The following ABCC4 variants were observed in gnomAD, a reference collection of about 807,000 sequenced individuals.
ABCC4 encodes ATP-binding cassette sub-family C member 4.
Under a neutral mutation model 168.5 loss-of-function variants are expected in ABCC4, and 102 were observed. The observed-to-expected ratio is 0.61, with a 90% CI of 0.52 to 0.71. The LOEUF is 0.71. Among genes scored for constraint, ABCC4 ranks in the 30% least tolerant of loss-of-function variants. The pLI is 0.00. For missense variants in ABCC4, 1,402 were observed against 1,605.8 expected (o/e 0.87, Z 2.17); for synonymous variants, 617 against 590.7 (o/e 1.04, Z -0.65).
intron 29 of ABCC4, among the ~76,000 whole-genome samples, chr13:95,036,549 T>A (rs2032129276): frequency 6.6e-6 from 1 of 152,114 alleles, no homozygotes; most frequent in Non-Finnish European, 1.5e-5. Context: ...AAAAGCATTA[T>A]TATTATTAGA....
At position 95,038,680 on chromosome 13, in the gene ABCC4, C is replaced by T. The variant is rs1449188372; in HGVS notation, c.3736-3941G>A. ...ATGTGCTTGCTCTTGTTCACTGTTG[C>T]ATCTCCATGGCCTGGCATTGCACAT... On this transcript the variant is annotated intron_variant, in intron 29 of 30. Coordinates refer to ENST00000645237, the MANE Select transcript of ABCC4 (RefSeq NM_005845.5). 5.3e-5 allele frequency among the ~76,000 whole-genome samples: 8 copies of T among 152,174 alleles called. No homozygotes were observed. In the East Asian group the frequency reaches 1.5e-3, roughly 29 times the overall value.
At chr13:95,056,653 A>G (rs1345275004) in intron 26 of ABCC4, among the ~76,000 whole-genome samples, 5 of 151,986 alleles carry the variant, frequency 3.3e-5, no homozygotes, top group Non-Finnish European at 7.4e-5. Context: ...AAGAAGAAAA[A>G]AAAAAAAAAA....
chr13:95,050,337 A>G (rs1282699209), intron 27 of ABCC4, among the ~76,000 whole-genome samples: 8 of 152,122 alleles, frequency 5.3e-5, no homozygotes, highest in Non-Finnish European at 1.2e-4. Context: ...AAAACTCACA[A>G]TGCTTCATTT....
chr13:95,244,634 A>G (rs1352829033), intron 3 of ABCC4, among the ~76,000 whole-genome samples: 900 of 66,110 alleles, frequency 0.014, 14 homozygotes, highest in Non-Finnish European at 0.02. Context: ...AGAAAGAAAG[A>G]AAGAAAGAAA....
intron 1 of ABCC4, among the ~76,000 whole-genome samples, chr13:95,255,747 C>T (rs1425148072): frequency 6.6e-6 from 1 of 152,162 alleles, no homozygotes; most frequent in African/African-American, 2.4e-5. Flanking sequence ...ACCTCTCTTC[C>T]GGGTCCCCCA....
chr13:95,025,956 C>T (rs1385026262), intron 30 of ABCC4, among the ~76,000 whole-genome samples: 1 of 152,200 alleles, frequency 6.6e-6, no homozygotes, highest in Admixed American at 6.5e-5. Context: ...ATGGCTCACA[C>T]CTGTAATCCC....
rs189671584 is a variant in ABCC4 at position 95,247,171 on chromosome 13, A to C, written c.186-76T>G. On this transcript the variant is annotated intron_variant, in intron 2 of 30. Transcript: ENST00000645237. ...AAAACAGGGGAGATGGCAGAGTGAC[A>C]GGTATGCATTTAAGACAGGGCATTT... 4.0e-6 allele frequency: 6 copies of C among 1,495,016 alleles called. No individual in the cohort carries two copies. The African/African-American group carries it at 8.4e-5, about 21-fold the overall frequency. The allele number at this position is 1,495,016 out of a possible 1,614,324, so 92.6% of individuals were successfully genotyped here. A position where few individuals can be genotyped will look rare whatever the true frequency, so the allele number is the denominator to read the frequency against.
chr13:95,058,956 T>C (rs963404787), intron 26 of ABCC4, among the ~76,000 whole-genome samples: 6 of 152,348 alleles, frequency 3.9e-5, no homozygotes, highest in Middle Eastern at 3.4e-3. Flanking sequence ...TTGTGACTCA[T>C]GACCATCCTT....
chr13:95,026,578 A>G (rs2031554743), intron 30 of ABCC4, among the ~76,000 whole-genome samples: 1 of 152,132 alleles, frequency 6.6e-6, no homozygotes, highest in South Asian at 2.1e-4. Context: ...AAAACTAATG[A>G]CCCTTTCAGC....
intron 13 of ABCC4, among the ~76,000 whole-genome samples, chr13:95,176,859 T>C (rs2139593489): frequency 6.6e-6 from 1 of 152,348 alleles, no homozygotes; most frequent in African/African-American, 2.4e-5. Context: ...CAGTTCACAA[T>C]GCTTTCAAAA....
At chr13:95,118,736 AAGAGG>A (rs2035462221) in intron 19 of ABCC4, among the ~76,000 whole-genome samples, 1 of 152,180 alleles carries the variant, frequency 6.6e-6, no homozygotes, top group African/African-American at 2.4e-5. Flanking sequence ...ATGTCGAGAG[AAGAGG>A]AGTCACTGTT....
rs531556073 is a variant in ABCC4 at position 95,240,499 on chromosome 13, C to G, written c.307-5665G>C. Reference sequence around the variant, plus strand: ...TGAACCAAGATCATGCCACTGCACTCCAGCCTGGGCAAGAGCAAAACTCCA... The same window carrying G: ...TGAACCAAGATCATGCCACTGCACTGCAGCCTGGGCAAGAGCAAAACTCCA... On this transcript the variant is annotated intron_variant, in intron 3 of 30. Transcript: ENST00000645237. Among the ~76,000 whole-genome samples the G allele has an allele frequency of 4.6e-5, 7 of 151,496 alleles. No individual in the cohort carries two copies. The South Asian group carries it at 1.5e-3, about 32-fold the overall frequency.
At chr13:95,135,346 C>T (rs192969123) in intron 19 of ABCC4, among the ~76,000 whole-genome samples, 4 of 151,396 alleles carry the variant, frequency 2.6e-5, no homozygotes, top group African/African-American at 9.7e-5. Context: ...TAAAGTTTTC[C>T]GTGAAACTAA....
At chr13:95,131,248 G>A (rs1227038070) in intron 19 of ABCC4, among the ~76,000 whole-genome samples, 1 of 152,100 alleles carries the variant, frequency 6.6e-6, no homozygotes, top group African/African-American at 2.4e-5. Flanking sequence ...TTAAAAAAAG[G>A]GGAAGCATGC....
intron 4 of ABCC4, among the ~76,000 whole-genome samples, chr13:95,214,108 T>C (rs1243812736): frequency 4.6e-5 from 7 of 152,156 alleles, no homozygotes; most frequent in African/African-American, 1.7e-4. Flanking sequence ...AAGAACCAAA[T>C]AGAACTTCTC....
rs1471482 is a variant in ABCC4, at chr13:95,152,652, T to G, written c.2455+8537A>C. Among the ~76,000 whole-genome samples the G allele has an allele frequency of 4.8e-3, 733 of 152,294 alleles. 6 individuals are homozygous for G. The highest frequency in any genetic ancestry group is 0.016 in the African/African-American group (674 of 41,570). ...GTTTTAAACTTCATGGAAAACAAAA[T>G]GTCACAACCTCAGCGTTGTAAATAT... On this transcript the variant is annotated intron_variant, in intron 19 of 30. Transcript: ENST00000645237.
At chr13:95,033,390 T>C (rs747879859) in intron 30 of ABCC4, among the ~76,000 whole-genome samples, 6 of 152,130 alleles carry the variant, frequency 3.9e-5, no homozygotes, top group East Asian at 1.9e-4. Flanking sequence ...GCCAAGAACA[T>C]TGGATGTTCC....
chr13:95,156,429 T>C (rs952915023), intron 19 of ABCC4, among the ~76,000 whole-genome samples: 4 of 152,156 alleles, frequency 2.6e-5, no homozygotes, highest in Non-Finnish European at 4.4e-5. Flanking sequence ...AAAAGCAAAA[T>C]TAATTCTGCC....
chr13:95,166,045 A>T, intron 15 of ABCC4, 113 bp downstream of exon 15: 1 of 1,045,546 alleles, frequency 9.6e-7, no homozygotes, highest in Non-Finnish European at 1.4e-6. Flanking sequence ...CCCTGAAACC[A>T]CAGAATCCAC....
Sources: allele counts gnomAD v4.1 joint callset (sites outside exome capture counted in the v4.1 genomes callset), GRCh38; gene constraint gnomAD v4.1.1; transcripts MANE v1.5; gene names NCBI Gene and HGNC (gene_info 2026-07-23, HGNC 2026-07-21).